Variants in GRID1 observed in about 807,000 individuals in gnomAD.
The protein encoded by GRID1 is glutamate receptor ionotropic, delta-1.
Under a neutral mutation model 98.0 loss-of-function variants are expected in GRID1, and 28 were observed. That is an observed-to-expected ratio of 0.29 (90% CI 0.21 to 0.39). The LOEUF (loss-of-function observed/expected upper bound fraction) is 0.39, where lower values mean the gene tolerates loss of function less well. GRID1 is among the 10% of genes least tolerant of loss of function. The probability of loss-of-function intolerance (pLI) is 1.00; values close to 1 mark genes in which losing one functional copy is unlikely to be tolerated. For missense variants in GRID1, 1,111 were observed against 1,340.5 expected, an observed-to-expected ratio of 0.83 and a Z score of 2.67; for synonymous variants, 553 against 538.5, an observed-to-expected ratio of 1.03 and a Z score of -0.37.
intron 2 of GRID1, among the ~76,000 whole-genome samples, chr10:86,264,420 G>A (rs1317494354): frequency 6.6e-6 from 1 of 152,182 alleles, no homozygotes; most frequent in Admixed American, 6.5e-5. Context: ...TACCCCAGAG[G>A]GAGGAATCCC....
At position 85,756,071 on chromosome 10, in the gene GRID1, T is replaced by A. The variant is rs541176515; in HGVS notation, c.1234-26457A>T. Among the ~76,000 whole-genome samples the A allele has an allele frequency of 9.9e-5, 15 of 150,852 alleles. No individual in the cohort carries two copies. In the East Asian group the frequency reaches 2.9e-3, roughly 30 times the overall value. ...CTGAGGGGGATACATTATGTTCCAA[T>A]ACCCCCCCTAGTGGGAGCCTGAAAC... On this transcript the variant is annotated intron_variant, in intron 8 of 15. Coordinates refer to ENST00000327946, the MANE Select transcript of GRID1 (RefSeq NM_017551.3).
At chr10:85,848,703 C>T (rs7076096) in intron 8 of GRID1, among the ~76,000 whole-genome samples, 36,627 of 152,048 alleles carry the variant, frequency 0.24, 4,737 homozygotes, top group African/African-American at 0.33. Context: ...ATCTGTGTTT[C>T]CTGAACATTC....
chr10:86,252,047 G>A lies in GRID1; in HGVS notation c.236-45399C>T, dbSNP rs556211646. On this transcript the variant is annotated intron_variant, in intron 2 of 15. Coordinates refer to ENST00000327946, the MANE Select transcript of GRID1 (RefSeq NM_017551.3). ...CGGGTGTCCCCGTTCCATACATGAG[G>A]AAACTGAGGCTCTGACCTTACCTGG... Among the ~76,000 whole-genome samples, 15 of 152,316 alleles carry A rather than the reference G, an allele frequency of 9.8e-5. No individual in the cohort carries two copies. In the South Asian group the frequency reaches 2.9e-3, roughly 29 times the overall value.
intron 3 of GRID1, among the ~76,000 whole-genome samples, chr10:86,152,857 G>A (rs1301274837): frequency 6.6e-6 from 1 of 152,216 alleles, no homozygotes; most frequent in Non-Finnish European, 1.5e-5. Flanking sequence ...CCCTGACAGG[G>A]AGGCTTCTGC....
At chr10:85,845,754 C>A (rs1268337695) in intron 8 of GRID1, among the ~76,000 whole-genome samples, 1 of 152,062 alleles carries the variant, frequency 6.6e-6, no homozygotes, top group East Asian at 1.9e-4. Context: ...CTCTCTATAC[C>A]TGTATGATAA....
At chr10:85,918,479 T>C (rs955275926) in intron 4 of GRID1, among the ~76,000 whole-genome samples, 3 of 152,172 alleles carry the variant, frequency 2.0e-5, no homozygotes, top group African/African-American at 7.2e-5. Context: ...TGGGAGGAGT[T>C]TGTTCCACCC....
chr10:86,221,022 A>C (rs1846244566), intron 2 of GRID1, among the ~76,000 whole-genome samples: 2 of 152,134 alleles, frequency 1.3e-5, no homozygotes, highest in Non-Finnish European at 2.9e-5. Flanking sequence ...TCACGACATA[A>C]GCCATGGCCA....
At chr10:85,715,402 A>G (rs1242050070) in intron 12 of GRID1, among the ~76,000 whole-genome samples, 4 of 152,174 alleles carry the variant, frequency 2.6e-5, no homozygotes, top group African/African-American at 4.8e-5. Context: ...TTAAAATCCT[A>G]CACATAGCAA....
At chr10:86,143,605 A>C (rs900951216) in intron 3 of GRID1, among the ~76,000 whole-genome samples, 2 of 152,064 alleles carry the variant, frequency 1.3e-5, no homozygotes, top group African/African-American at 4.8e-5. Flanking sequence ...ACCATCACCA[A>C]TGCAGCTTCC....
chr10:86,171,956 C>T (rs1026641637), intron 3 of GRID1, among the ~76,000 whole-genome samples: 2 of 152,084 alleles, frequency 1.3e-5, no homozygotes, highest in Non-Finnish European at 2.9e-5. Context: ...TAATCCTTAA[C>T]TCTGTGATGT....
intron 12 of GRID1, among the ~76,000 whole-genome samples, chr10:85,718,494 A>G (rs913236306): frequency 6.6e-6 from 1 of 152,220 alleles, no homozygotes; most frequent in Non-Finnish European, 1.5e-5. Flanking sequence ...GTTTCTATAC[A>G]TCTTCTGAAA....
In GRID1 at chr10:86,244,361, T is replaced by C. The variant is rs114795518; in HGVS notation, c.236-37713A>G. On this transcript the variant is annotated intron_variant, in intron 2 of 15. Coordinates refer to ENST00000327946, the MANE Select transcript of GRID1 (RefSeq NM_017551.3). ...AGAGCCAAGGCCTCCCTAATTCCCC[T>C]CAGAGGCCCCAGGCAGGCGCCAGAA... Among the ~76,000 whole-genome samples the C allele has an allele frequency of 4.3e-3, 647 of 152,228 alleles. 7 individuals are homozygous for C. Among genetic ancestry groups the C allele is most frequent in the African/African-American group, 0.015 (616 of 41,522 alleles).
chr10:86,149,131 A>G (rs1845127358), intron 3 of GRID1, among the ~76,000 whole-genome samples: 1 of 152,240 alleles, frequency 6.6e-6, no homozygotes, highest in South Asian at 2.1e-4. Flanking sequence ...GGGAGGTGCC[A>G]TCCTGACAAT....
At chr10:86,314,022 C>T (rs1169831120) in intron 2 of GRID1, among the ~76,000 whole-genome samples, 1 of 152,188 alleles carries the variant, frequency 6.6e-6, no homozygotes, top group African/African-American at 2.4e-5. Context: ...CTAAATGATC[C>T]ATAAACACTC....
chr10:86,280,450 T>C (rs1589435728), intron 2 of GRID1, among the ~76,000 whole-genome samples: 1 of 152,186 alleles, frequency 6.6e-6, no homozygotes, highest in South Asian at 2.1e-4. Context: ...GTATGGCCAG[T>C]AGATTCAGAA....
At chr10:85,634,094 C>T (rs984226096) in intron 13 of GRID1, among the ~76,000 whole-genome samples, 3 of 151,830 alleles carry the variant, frequency 2.0e-5, no homozygotes, top group African/African-American at 4.8e-5. Context: ...TTGCTTGAAC[C>T]CAGGAGGCGG....
intron 14 of GRID1, among the ~76,000 whole-genome samples, chr10:85,618,992 C>T (rs538621377): frequency 1.1e-4 from 17 of 152,236 alleles, no homozygotes; most frequent in Admixed American, 2.0e-4. Flanking sequence ...GAGCCTGGCA[C>T]GATGCCAGCC....
chr10:86,232,024 TGG>T (rs1046378121), intron 2 of GRID1, among the ~76,000 whole-genome samples: 10 of 152,232 alleles, frequency 6.6e-5, no homozygotes, highest in Admixed American at 5.9e-4. Context: ...TCCCAGAGAC[TGG>T]GGTACCCTCT....
chr10:85,827,859 T>C (rs141767179), intron 8 of GRID1, among the ~76,000 whole-genome samples: 27 of 152,290 alleles, frequency 1.8e-4, no homozygotes, highest in Non-Finnish European at 3.4e-4. Context: ...AGCCCACTTA[T>C]AGTATTCGAC....
Sources: allele counts gnomAD v4.1 joint callset (sites outside exome capture counted in the v4.1 genomes callset), GRCh38; gene constraint gnomAD v4.1.1; transcripts MANE v1.5; gene names NCBI Gene and HGNC (gene_info 2026-07-23, HGNC 2026-07-21).